Variants in CADM2 observed in about 807,000 individuals in gnomAD.
CADM2 encodes immunoglobulin superfamily member 4D.
CADM2 carries 12 observed loss-of-function variants against 49.8 expected under a neutral mutation model. That is an observed-to-expected ratio of 0.24 (90% CI 0.15 to 0.39). CADM2 has a LOEUF of 0.39. CADM2 is among the 10% of genes least tolerant of loss of function. The pLI is 1.00. For missense variants in CADM2, 378 were observed against 492.3 expected, an observed-to-expected ratio of 0.77 and a Z score of 2.20; for synonymous variants, 214 against 175.4, an observed-to-expected ratio of 1.22 and a Z score of -1.74.
chr3:85,808,528 A>T (rs188978223), intron 3 of CADM2, among the ~76,000 whole-genome samples: 7 of 152,298 alleles, frequency 4.6e-5, no homozygotes, highest in Admixed American at 1.3e-4. Context: ...CAATCTGATC[A>T]GTTAATGCTC....
chr3:85,877,648 C>T (rs1363372972), intron 3 of CADM2, among the ~76,000 whole-genome samples: 1 of 147,144 alleles, frequency 6.8e-6, no homozygotes, highest in Non-Finnish European at 1.5e-5. Context: ...CTCTTTTATA[C>T]TCAACAGTGT....
At chr3:85,327,010 A>G (rs1328701743) in intron 1 of CADM2, among the ~76,000 whole-genome samples, 1 of 151,964 alleles carries the variant, frequency 6.6e-6, no homozygotes, top group East Asian at 1.9e-4. Context: ...TTTTGTTTGT[A>G]ATTTAGGTCA....
chr3:85,676,264 C>G (rs965526919), intron 1 of CADM2, among the ~76,000 whole-genome samples: 1 of 152,130 alleles, frequency 6.6e-6, no homozygotes, highest in Non-Finnish European at 1.5e-5. Context: ...AATCTAGACT[C>G]CGAGGCCTTA....
chr3:85,767,756 A>C (rs921171333), intron 2 of CADM2, among the ~76,000 whole-genome samples: 5 of 152,158 alleles, frequency 3.3e-5, no homozygotes, highest in African/African-American at 1.2e-4. Flanking sequence ...GCCACATTAA[A>C]AAGTGGGTTA....
chr3:85,001,978 A>C (rs942004054), intron 1 of CADM2, among the ~76,000 whole-genome samples: 3 of 152,144 alleles, frequency 2.0e-5, no homozygotes, highest in African/African-American at 7.2e-5. Context: ...ACTCTAGCCA[A>C]GAAAATCTGG....
At chr3:85,742,148 A>G (rs2068417019) in intron 2 of CADM2, among the ~76,000 whole-genome samples, 2 of 152,206 alleles carry the variant, frequency 1.3e-5, no homozygotes, top group African/African-American at 4.8e-5. Flanking sequence ...TAAAATAAGT[A>G]TATTGTTATT....
At position 85,912,538 on chromosome 3, in the gene CADM2, T is replaced by C; in HGVS notation, c.695T>C (p.Ile232Thr). The C allele has an allele frequency of 1.2e-6, 2 of 1,613,036 alleles. No individual in the cohort carries two copies. Among genetic ancestry groups the C allele is most frequent in the Non-Finnish European group, 1.7e-6 (2 of 1,179,550 alleles). Residue 232 changes from isoleucine (I) to threonine (T), a missense_variant, in exon 6 of 10, where the codon ATA (isoleucine) becomes ACA (threonine). Ile to Thr is a moderately conservative substitution (Grantham distance 89, BLOSUM62 -1). Coordinates refer to ENST00000383699, the MANE Select transcript of CADM2 (RefSeq NM_001167675.2). ...TPQVAMQVLE[I>T]HYTPSVKIIP... ...CAGGTAGCCATGCAGGTGCTAGAAA[T>C]ACACTGTAAGTAAACACTACTTCCC...
intron 8 of CADM2, among the ~76,000 whole-genome samples, chr3:86,063,061 C>G (rs965658697): frequency 6.6e-6 from 1 of 152,016 alleles, no homozygotes; most frequent in Non-Finnish European, 1.5e-5. Context: ...AAATCTCTGC[C>G]CCAATATACC....
chr3:85,231,935 G>A (rs551322407), intron 1 of CADM2, among the ~76,000 whole-genome samples: 8 of 151,262 alleles, frequency 5.3e-5, no homozygotes, highest in South Asian at 4.2e-4. Flanking sequence ...GGCTGGTCTC[G>A]AACTCCTGAC....
intron 8 of CADM2, among the ~76,000 whole-genome samples, chr3:86,039,713 C>T (rs11924631): frequency 0.7 from 106,156 of 152,068 alleles, 38,713 homozygotes; most frequent in African/African-American, 0.92. Context: ...AATGTCCCTG[C>T]CTGACAGCTT....
chr3:86,012,635 C>G, intron 8 of CADM2: 2 of 1,556,422 alleles, frequency 1.3e-6, no homozygotes, highest in South Asian at 1.1e-5. Flanking sequence ...CAGGTTCCCG[C>G]GGGACCCGGC....
At chr3:85,763,565 G>T (rs895267006) in intron 2 of CADM2, among the ~76,000 whole-genome samples, 7 of 152,096 alleles carry the variant, frequency 4.6e-5, no homozygotes, top group Non-Finnish European at 1.5e-5. Flanking sequence ...TGCTTTCTTA[G>T]AAACATTTCT....
chr3:85,840,367 A>C (rs892417326), intron 3 of CADM2, among the ~76,000 whole-genome samples: 1 of 151,924 alleles, frequency 6.6e-6, no homozygotes, highest in African/African-American at 2.4e-5. Flanking sequence ...TGTGGTGTTC[A>C]CCAAAAGCGG....
intron 1 of CADM2, among the ~76,000 whole-genome samples, chr3:85,081,830 A>G (rs6775752): frequency 0.44 from 67,571 of 152,024 alleles, 17,586 homozygotes; most frequent in Non-Finnish European, 0.6. Context: ...GTCTTGGTAT[A>G]AAGAAGGAAT....
chr3:85,561,481 A>G (rs2062093186), intron 1 of CADM2, among the ~76,000 whole-genome samples: 1 of 152,214 alleles, frequency 6.6e-6, no homozygotes, highest in Non-Finnish European at 1.5e-5. Context: ...AAAAGAATTT[A>G]TTAGTTTAGA....
intron 1 of CADM2, among the ~76,000 whole-genome samples, chr3:85,152,785 G>A (rs573257224): frequency 1.3e-4 from 19 of 151,918 alleles, no homozygotes; most frequent in South Asian, 6.2e-4. Flanking sequence ...GTGAAACCCC[G>A]TCTCTACTAA....
At position 84,994,304 on chromosome 3, in the gene CADM2, G is replaced by A. The variant is rs923000215; in HGVS notation, c.61+34636G>A. On this transcript the variant is annotated intron_variant, in intron 1 of 9. Transcript: ENST00000383699. ...TTTGAAGTTCCCTTTTACTTCAAGT[G>A]TCAATATTGTATGTGTTACGATAAG... 1.8e-4 allele frequency among the ~76,000 whole-genome samples: 28 copies of A among 152,070 alleles called. 1 individual carries two copies. Among genetic ancestry groups the A allele is most frequent in the African/African-American group, 6.8e-4 (28 of 41,420 alleles).
intron 6 of CADM2, among the ~76,000 whole-genome samples, chr3:85,915,566 AATG>A (rs1718178493): frequency 1.3e-5 from 2 of 152,116 alleles, no homozygotes; most frequent in Non-Finnish European, 2.9e-5. Context: ...ATCTTAGAAT[AATG>A]ATAATAGCAT....
chr3:85,246,718 C>A (rs939228849), intron 1 of CADM2, among the ~76,000 whole-genome samples: 52 of 151,728 alleles, frequency 3.4e-4, no homozygotes, highest in African/African-American at 1.3e-3. Context: ...GGCTAGGCAA[C>A]TGATCATTTA....
Sources: gnomAD v4.1 joint callset for allele counts (sites outside exome capture counted in the v4.1 genomes callset) on GRCh38, gnomAD v4.1.1 for gene constraint, MANE v1.5 for transcripts, NCBI Gene and HGNC (gene_info 2026-07-23, HGNC 2026-07-21) for gene names.